SLC35F3: variants seen among roughly 807,000 people sequenced by gnomAD.
SLC35F3 encodes the protein solute carrier family 35 member F3.
Under a neutral mutation model 49.9 loss-of-function variants are expected in SLC35F3, and 25 were observed. The ratio of observed to expected loss-of-function variants is 0.50; its 90% confidence interval spans 0.37 to 0.70. The LOEUF is 0.70. Among genes scored for constraint, SLC35F3 ranks in the 30% least tolerant of loss-of-function variants. The pLI is 0.00. For missense variants in SLC35F3, 525 were observed against 639.8 expected (o/e 0.82, Z 1.94); for synonymous variants, 275 against 265.4 (o/e 1.04, Z -0.35).
intron 2 of SLC35F3, among the ~76,000 whole-genome samples, chr1:233,977,529 G>A (rs77117108): frequency 0.012 from 1,872 of 152,158 alleles, 23 homozygotes; most frequent in South Asian, 0.041. Context: ...CCTTGCTGTT[G>A]GATTCTCTTT....
chr1:234,110,545 G>A (rs1336882131), intron 2 of SLC35F3, among the ~76,000 whole-genome samples: 2 of 152,216 alleles, frequency 1.3e-5, no homozygotes, highest in African/African-American at 4.8e-5. Flanking sequence ...ATAAAATTGT[G>A]TTTTAAATAC....
chr1:234,042,756 G>A (rs79513729), intron 2 of SLC35F3, among the ~76,000 whole-genome samples: 4,279 of 152,222 alleles, frequency 0.028, 79 homozygotes, highest in Non-Finnish European at 0.043. Context: ...AGCATGGTGC[G>A]TGTAACCTTT....
intron 3 of SLC35F3, among the ~76,000 whole-genome samples, chr1:234,289,990 G>A (rs901463179): frequency 6.6e-6 from 1 of 152,152 alleles, no homozygotes. Flanking sequence ...AGAGGGCATT[G>A]CACATGAAGA....
chr1:234,063,016 T>C (rs951378668), intron 2 of SLC35F3, among the ~76,000 whole-genome samples: 1 of 151,980 alleles, frequency 6.6e-6, no homozygotes, highest in Non-Finnish European at 1.5e-5. Flanking sequence ...CAAGGTTCTG[T>C]GTGTGGAGAA....
At chr1:233,985,379 T>C (rs1249616416) in intron 2 of SLC35F3, among the ~76,000 whole-genome samples, 3 of 152,246 alleles carry the variant, frequency 2.0e-5, no homozygotes, top group African/African-American at 7.2e-5. Context: ...TTGCATAAAT[T>C]GTGCAGTCAT....
At chr1:234,125,449 CG>C (rs1291398279) in intron 2 of SLC35F3, among the ~76,000 whole-genome samples, 1 of 152,158 alleles carries the variant, frequency 6.6e-6, no homozygotes, top group Admixed American at 6.6e-5. Flanking sequence ...CTTGAGTTCA[CG>C]TACTCAAGTA....
chr1:233,965,101 T>A (rs1572000403), intron 2 of SLC35F3, among the ~76,000 whole-genome samples: 1 of 152,228 alleles, frequency 6.6e-6, no homozygotes, highest in East Asian at 1.9e-4. Context: ...TGGGTCCTTT[T>A]AAAATTCCTA....
chr1:234,229,018 G>C (rs1272609447), intron 2 of SLC35F3, among the ~76,000 whole-genome samples: 1 of 152,140 alleles, frequency 6.6e-6, no homozygotes, highest in Non-Finnish European at 1.5e-5. Context: ...AATGGGGTTT[G>C]GTTGTCTATT....
At chr1:234,043,040 G>A (rs575437768) in intron 2 of SLC35F3, among the ~76,000 whole-genome samples, 1 of 152,186 alleles carries the variant, frequency 6.6e-6, no homozygotes, top group Non-Finnish European at 1.5e-5. Context: ...ACAAATGTAT[G>A]ATGTAACCAC....
At chr1:234,210,006 A>G (rs1266013642) in intron 2 of SLC35F3, among the ~76,000 whole-genome samples, 1 of 152,130 alleles carries the variant, frequency 6.6e-6, no homozygotes, top group Non-Finnish European at 1.5e-5. Flanking sequence ...TTGAATTTCC[A>G]TATGTTGTGG....
intron 3 of SLC35F3, among the ~76,000 whole-genome samples, chr1:234,264,850 G>A (rs148010897): frequency 1.6e-3 from 240 of 152,240 alleles, no homozygotes; most frequent in African/African-American, 5.7e-3. Flanking sequence ...TCCATACCTG[G>A]CCAGTATTCC....
intron 2 of SLC35F3, among the ~76,000 whole-genome samples, chr1:233,930,681 A>G (rs1330611539): frequency 6.6e-6 from 1 of 152,226 alleles, no homozygotes; most frequent in African/African-American, 2.4e-5. Context: ...GATAGCATAA[A>G]CAGTCAATTA....
rs570950490 is a variant in SLC35F3 at position 233,922,802 on chromosome 1, T to C, written c.283+17044T>C. ...TTAGGTCTAACATTTATGTCTTTAA[T>C]CCATCTTGAATTAATTTTTGTATAA... On this transcript the variant is annotated intron_variant, in intron 2 of 7. Coordinates refer to ENST00000366618, the MANE Select transcript of SLC35F3 (RefSeq NM_173508.4). Among the ~76,000 whole-genome samples the C allele has an allele frequency of 4.8e-4, 73 of 152,340 alleles. 1 individual carries two copies. The highest frequency in any genetic ancestry group is 1.6e-3 in the African/African-American group (68 of 41,566).
chr1:233,923,184 G>A (rs1162093499), intron 2 of SLC35F3, among the ~76,000 whole-genome samples: 1 of 152,204 alleles, frequency 6.6e-6, no homozygotes, highest in African/African-American at 2.4e-5. Context: ...ATTCTGTGAA[G>A]AAAGTCATTG....
intron 2 of SLC35F3, among the ~76,000 whole-genome samples, chr1:234,161,664 G>A (rs1459338202): frequency 6.6e-6 from 1 of 152,124 alleles, no homozygotes; most frequent in African/African-American, 2.4e-5. Flanking sequence ...AACTTAGCGA[G>A]GTGTGGTGGC....
At chr1:234,039,978 C>A (rs1021220807) in intron 2 of SLC35F3, among the ~76,000 whole-genome samples, 1 of 144,786 alleles carries the variant, frequency 6.9e-6, no homozygotes, top group Non-Finnish European at 1.5e-5. Context: ...GGCAAAGGAC[C>A]AGTTTGACAG....
rs149287532 is a variant in SLC35F3, at chr1:234,182,618, T to A, written c.284-48799T>A. Among the ~76,000 whole-genome samples, 650 of 152,346 alleles carry A rather than the reference T, an allele frequency of 4.3e-3. 3 individuals carry two copies. Among genetic ancestry groups the A allele is most frequent in the Non-Finnish European group, 7.9e-3 (537 of 68,038 alleles). On this transcript the variant is annotated intron_variant, in intron 2 of 7. Transcript: ENST00000366618. ...ATAATTGGAGCAAAAGGTAAATTTATACATCATTTTTCTGGACAATGCCAA... is the reference window on the plus strand; with the variant it reads ...ATAATTGGAGCAAAAGGTAAATTTAAACATCATTTTTCTGGACAATGCCAA...
At chr1:234,301,326 A>C (rs1266092825) in intron 3 of SLC35F3, among the ~76,000 whole-genome samples, 2 of 152,232 alleles carry the variant, frequency 1.3e-5, no homozygotes, top group Non-Finnish European at 2.9e-5. Context: ...GAATTTACAA[A>C]GAACTTAAAC....
At chr1:234,037,199 A>G (rs777525681) in intron 2 of SLC35F3, among the ~76,000 whole-genome samples, 2 of 152,170 alleles carry the variant, frequency 1.3e-5, no homozygotes, top group Non-Finnish European at 2.9e-5. Context: ...GGCCTCAGGA[A>G]GCTTCCAATT....
Sources: gnomAD v4.1 joint callset for allele counts (sites outside exome capture counted in the v4.1 genomes callset) on GRCh38, gnomAD v4.1.1 for gene constraint, MANE v1.5 for transcripts, NCBI Gene and HGNC (gene_info 2026-07-23, HGNC 2026-07-21) for gene names.